The following EPB41L3 variants were observed in gnomAD, a reference collection of about 807,000 sequenced individuals.
The protein encoded by EPB41L3 is band 4.1-like protein 3.
EPB41L3 carries 57 observed loss-of-function variants against 127.1 expected under a neutral mutation model. That is an observed-to-expected ratio of 0.45 (90% CI 0.36 to 0.56). The LOEUF (loss-of-function observed/expected upper bound fraction) is 0.56, where lower values mean the gene tolerates loss of function less well. Among genes scored for constraint, EPB41L3 ranks in the 20% least tolerant of loss-of-function variants. The pLI, the probability that EPB41L3 is intolerant of heterozygous loss-of-function variation, is 0.00. For synonymous variants in EPB41L3, 572 were observed against 549.5 expected (o/e 1.04, Z -0.57); for missense variants, 1,273 against 1,372.2 (o/e 0.93, Z 1.14).
chr18:5,493,607 A>T (rs2090849870), intron 1 of EPB41L3, among the ~76,000 whole-genome samples: 2 of 152,068 alleles, frequency 1.3e-5, no homozygotes, highest in Non-Finnish European at 2.9e-5. Context: ...TCCATCCAAA[A>T]AGAAAATCCC....
intron 3 of EPB41L3, among the ~76,000 whole-genome samples, chr18:5,473,887 C>A (rs973300982): frequency 6.6e-6 from 1 of 151,984 alleles, no homozygotes; most frequent in Non-Finnish European, 1.5e-5. Flanking sequence ...ATAATAAGAT[C>A]TTTTCTTATA....
At chr18:5,428,236 T>C (rs781325114) in intron 9 of EPB41L3, 77 bp downstream of exon 9, 10 of 1,553,894 alleles carry the variant, frequency 6.4e-6, no homozygotes, top group Non-Finnish European at 8.8e-6. Flanking sequence ...TCAGAACTCA[T>C]AAGCAGATAA....
chr18:5,416,769 TCTC>T (rs1202911106), intron 12 of EPB41L3, among the ~76,000 whole-genome samples: 3 of 152,122 alleles, frequency 2.0e-5, no homozygotes, highest in African/African-American at 7.2e-5. Context: ...TCAATAGCCT[TCTC>T]CTGATTTCCA....
intron 3 of EPB41L3, among the ~76,000 whole-genome samples, chr18:5,449,381 C>G (rs957429886): frequency 3.3e-5 from 5 of 152,142 alleles, no homozygotes; most frequent in African/African-American, 1.2e-4. Flanking sequence ...TCATTGCTGA[C>G]AAGAATGCAA....
chr18:5,426,550 A>G (rs1217243275), intron 9 of EPB41L3, among the ~76,000 whole-genome samples: 2 of 152,166 alleles, frequency 1.3e-5, no homozygotes, highest in African/African-American at 4.8e-5. Flanking sequence ...TATCATTCCA[A>G]AATATTCACC....
At chr18:5,517,827 C>T (rs781500307) in intron 1 of EPB41L3, among the ~76,000 whole-genome samples, 41 of 152,206 alleles carry the variant, frequency 2.7e-4, no homozygotes, top group South Asian at 4.2e-4. Context: ...CACCACCAGA[C>T]GCTTTTCTCC....
rs1216983122 is a variant in EPB41L3 at position 5,392,695 on chromosome 18, C to T, written c.*790G>A. 2 of 152,524 alleles carry T rather than the reference C, an allele frequency of 1.3e-5. No homozygotes were observed. Among genetic ancestry groups the T allele is most frequent in the Non-Finnish European group, 2.9e-5 (2 of 68,028 alleles). The allele number at this position is 152,524 out of a possible 1,614,324, so 9.4% of individuals were successfully genotyped here. On this transcript the variant is annotated 3_prime_UTR_variant, in exon 23 of 23. Coordinates refer to ENST00000341928, the MANE Select transcript of EPB41L3 (RefSeq NM_012307.5). ...GCCACAGGAAGCCCAGCAGTTTCTC[C>T]TGAAGTGAAATTTCATAATATTGTA...
intron 1 of EPB41L3, among the ~76,000 whole-genome samples, chr18:5,507,633 C>T (rs1302179974): frequency 6.6e-6 from 1 of 152,086 alleles, no homozygotes; most frequent in East Asian, 1.9e-4. Flanking sequence ...ATTAATATAG[C>T]ACAACACACA....
chr18:5,579,072 A>G (rs2094365391), intron 3 of EPB41L3, among the ~76,000 whole-genome samples: 1 of 152,238 alleles, frequency 6.6e-6, no homozygotes, highest in Admixed American at 6.5e-5. Flanking sequence ...ATATTAAACA[A>G]TAGAACAAAA....
At chr18:5,606,558 A>T (rs2143921103) in intron 3 of EPB41L3, among the ~76,000 whole-genome samples, 1 of 152,318 alleles carries the variant, frequency 6.6e-6, no homozygotes, top group African/African-American at 2.4e-5. Flanking sequence ...ATCTTCTTGC[A>T]CATTTTAATT....
intron 3 of EPB41L3, among the ~76,000 whole-genome samples, chr18:5,459,342 T>C (rs1359666460): frequency 6.6e-6 from 1 of 151,946 alleles, no homozygotes; most frequent in Non-Finnish European, 1.5e-5. Context: ...TTCATTGGCT[T>C]CTAGTAGGAA....
intron 13 of EPB41L3, among the ~76,000 whole-genome samples, chr18:5,414,749 T>G (rs1289102647): frequency 6.6e-6 from 1 of 152,184 alleles, no homozygotes; most frequent in Non-Finnish European, 1.5e-5. Context: ...TATTCTTCCC[T>G]GCACTCTATT....
At chr18:5,412,980 T>C (rs746197413) in intron 13 of EPB41L3, among the ~76,000 whole-genome samples, 2 of 152,246 alleles carry the variant, frequency 1.3e-5, no homozygotes, top group Admixed American at 1.3e-4. Context: ...AATTCCTACT[T>C]AGCATTTAGT....
At chr18:5,480,351 C>A (rs968215228) in intron 2 of EPB41L3, among the ~76,000 whole-genome samples, 1 of 152,120 alleles carries the variant, frequency 6.6e-6, no homozygotes, top group Non-Finnish European at 1.5e-5. Context: ...TCATATGATG[C>A]GTTCTAATTT....
intron 1 of EPB41L3, among the ~76,000 whole-genome samples, chr18:5,520,556 A>T (rs945770762): frequency 7.9e-6 from 1 of 126,050 alleles, no homozygotes; most frequent in African/African-American, 3.2e-5. Context: ...CTTTCCCAAA[A>T]TAAAAAAAAA....
At position 5,489,008 on chromosome 18, in the gene EPB41L3, C is replaced by T. The variant is rs150166347; in HGVS notation, c.176G>A (p.Arg59Gln). 1.6e-5 allele frequency: 25 copies of T among 1,581,634 alleles called. No individual in the cohort carries two copies. Among genetic ancestry groups the T allele is most frequent in the African/African-American group, 9.7e-5 (7 of 72,014 alleles). ...AAAAAHSTPV[R>Q]REVTDKEQEF... ...TTTCTGGCCTGGGCTCACCTCCCTC[C>T]GCACCGGGGTGCTGTGCGCTGCAGC... Residue 59 changes from arginine (R) to glutamine (Q), a missense_variant, in exon 2 of 23, where the codon CGG (arginine) becomes CAG (glutamine). Physicochemically the swap from Arg to Gln is conservative, Grantham distance 43 (BLOSUM62 1). This residue lies in a region of EPB41L3 where 182 missense variants were observed against 149.2 expected (regional missense o/e 1.22). Coordinates refer to ENST00000341928, the MANE Select transcript of EPB41L3 (RefSeq NM_012307.5).
At chr18:5,438,229 A>T in intron 5 of EPB41L3, 119 bp from the exon 6 acceptor site, 1 of 756,850 alleles carries the variant, frequency 1.3e-6, no homozygotes, top group Non-Finnish European at 2.1e-6. Context: ...CCATTAATGG[A>T]AAACTGGGAA....
intron 1 of EPB41L3, among the ~76,000 whole-genome samples, chr18:5,505,791 C>T (rs1207640008): frequency 7.1e-5 from 9 of 126,628 alleles, no homozygotes; most frequent in Non-Finnish European, 1.5e-4. Context: ...CTTCCCTCCA[C>T]ACCTTCACCT....
At chr18:5,512,415 G>A (rs111896047) in intron 1 of EPB41L3, among the ~76,000 whole-genome samples, 3,089 of 151,952 alleles carry the variant, frequency 0.02, 76 homozygotes, top group Admixed American at 0.068. Context: ...TCTTTGTTTG[G>A]GTGGGGGCTG....
Sources: allele counts gnomAD v4.1 joint callset (sites outside exome capture counted in the v4.1 genomes callset), GRCh38; gene constraint gnomAD v4.1.1; regional missense constraint gnomAD v4.1.1; transcripts MANE v1.5; gene names NCBI Gene and HGNC (gene_info 2026-07-23, HGNC 2026-07-21).